SLC66A2: variants seen among roughly 807,000 people sequenced by gnomAD.
SLC66A2 encodes the protein solute carrier family 66 member 2.
In SLC66A2, 23 loss-of-function variants were observed where a neutral mutation model predicts 25.5. That is an observed-to-expected ratio of 0.90 (90% CI 0.65 to 1.28). The LOEUF (loss-of-function observed/expected upper bound fraction) is 1.28, where lower values mean the gene tolerates loss of function less well. Among genes scored for constraint, SLC66A2 ranks in the 50% most tolerant of loss-of-function variants. The pLI is 0.00. For missense variants in SLC66A2, 396 were observed against 373.1 expected, an observed-to-expected ratio of 1.06 and a Z score of -0.51; for synonymous variants, 193 against 166.5, an observed-to-expected ratio of 1.16 and a Z score of -1.23.
intron 2 of SLC66A2, 144 bp from the exon 3 acceptor site, chr18:79,943,606 C>A: frequency 1.1e-6 from 1 of 929,522 alleles, no homozygotes; most frequent in East Asian, 2.7e-5. Context: ...CGGAGAGACC[C>A]TGTGTCAGGC....
At chr18:79,925,286 G>C (rs1599582460) in intron 4 of SLC66A2, among the ~76,000 whole-genome samples, 1 of 152,206 alleles carries the variant, frequency 6.6e-6, no homozygotes, top group East Asian at 1.9e-4. Flanking sequence ...GGCTGTGGGA[G>C]AGGAGGGGCT....
intron 3 of SLC66A2, among the ~76,000 whole-genome samples, chr18:79,943,040 G>A (rs1987824034): frequency 6.6e-6 from 1 of 152,230 alleles, no homozygotes. Flanking sequence ...TTCTTGTTCT[G>A]ACACAGAAAG....
chr18:79,930,451 A>C (rs1986452207), intron 4 of SLC66A2: 1 of 152,242 alleles, frequency 6.6e-6, no homozygotes. Flanking sequence ...ACAGAAAACA[A>C]ATTTTTCATG....
At chr18:79,942,782 A>G (rs911025917) in intron 3 of SLC66A2, among the ~76,000 whole-genome samples, 1 of 152,250 alleles carries the variant, frequency 6.6e-6, no homozygotes, top group African/African-American at 2.4e-5. Flanking sequence ...TTAAGGAGCC[A>G]TGTGTGCTAA....
At chr18:79,938,380 C>T (rs992400353) in intron 3 of SLC66A2, among the ~76,000 whole-genome samples, 9 of 152,308 alleles carry the variant, frequency 5.9e-5, no homozygotes, top group Middle Eastern at 3.4e-3. Context: ...GGCTCAGCTC[C>T]GCCCAGGGGT....
intron 3 of SLC66A2, among the ~76,000 whole-genome samples, chr18:79,936,002 G>A (rs1395153451): frequency 6.6e-6 from 1 of 152,250 alleles, no homozygotes; most frequent in Non-Finnish European, 1.5e-5. Context: ...CAAAGAGACT[G>A]GAACAAGAGA....
intron 5 of SLC66A2, among the ~76,000 whole-genome samples, chr18:79,905,366 A>G (rs1981947376): frequency 6.6e-6 from 1 of 152,214 alleles, no homozygotes; most frequent in Non-Finnish European, 1.5e-5. Flanking sequence ...CCACAGACAA[A>G]AAGACAGGGT....
chr18:79,927,861 C>T lies in SLC66A2; in HGVS notation c.391+6108G>A, dbSNP rs1476765612. Among the ~76,000 whole-genome samples the T allele has an allele frequency of 1.3e-5, 2 of 152,230 alleles. No individual in the cohort carries two copies. Among genetic ancestry groups the T allele is most frequent in the Non-Finnish European group, 2.9e-5 (2 of 68,040 alleles). ...GCTGCCCAGACAGACAAGCGCTCAC[C>T]GCCGCACTGCCCTAACAGCTGCTGA... On this transcript the variant is annotated intron_variant, in intron 4 of 5. Transcript: ENST00000397778. The surrounding 1 kb of genome is among the most constrained non-coding windows in gnomAD (Gnocchi z 6.2).
chr18:79,950,081 C>T (rs1266781812), intron 2 of SLC66A2, among the ~76,000 whole-genome samples: 2 of 152,192 alleles, frequency 1.3e-5, no homozygotes, highest in South Asian at 4.1e-4. Context: ...CGTGGCTCAG[C>T]TTGTAATCCC....
intron 2 of SLC66A2, among the ~76,000 whole-genome samples, chr18:79,949,012 G>T (rs1175066714): frequency 6.6e-6 from 1 of 152,194 alleles, no homozygotes; most frequent in Non-Finnish European, 1.5e-5. Flanking sequence ...TCCAAAATGA[G>T]CACCCCTGAA....
At chr18:79,939,064 C>T in intron 3 of SLC66A2, among the ~76,000 whole-genome samples, 1 of 152,206 alleles carries the variant, frequency 6.6e-6, no homozygotes, top group Non-Finnish European at 1.5e-5. Context: ...AATTATGTAT[C>T]TAATTTTTTA....
intron 5 of SLC66A2, among the ~76,000 whole-genome samples, chr18:79,913,587 C>CTGTG (rs755580323): frequency 6.6e-6 from 1 of 152,174 alleles, no homozygotes; most frequent in African/African-American, 2.4e-5. Context: ...GTGTGCATCG[C>CTGTG]TGTGTGTGTG....
chr18:79,936,900 G>T (rs753228380), intron 3 of SLC66A2, among the ~76,000 whole-genome samples: 36 of 152,270 alleles, frequency 2.4e-4, no homozygotes, highest in Middle Eastern at 6.8e-3. Context: ...CCGGGAGGCC[G>T]GCGCTGGCAT....
intron 5 of SLC66A2, among the ~76,000 whole-genome samples, chr18:79,908,852 A>C (rs1416317284): frequency 1.3e-5 from 2 of 152,050 alleles, no homozygotes; most frequent in Non-Finnish European, 2.9e-5. Flanking sequence ...GTTTTCTTTA[A>C]ACTTCTATTT....
At chr18:79,938,993 A>G (rs1987391491) in intron 3 of SLC66A2, among the ~76,000 whole-genome samples, 1 of 152,192 alleles carries the variant, frequency 6.6e-6, no homozygotes, top group East Asian at 1.9e-4. Flanking sequence ...GTTTTACTTT[A>G]TATTCTGTCT....
intron 2 of SLC66A2, among the ~76,000 whole-genome samples, chr18:79,948,004 C>CAGAGGGGA: frequency 6.6e-6 from 1 of 151,750 alleles, no homozygotes; most frequent in African/African-American, 2.4e-5. Flanking sequence ...CCAGCAGGAA[C>CAGAGGGGA]GAGCGCCCTC....
intron 2 of SLC66A2, among the ~76,000 whole-genome samples, chr18:79,946,794 C>T (rs1028847981): frequency 3.3e-5 from 5 of 152,096 alleles, no homozygotes; most frequent in South Asian, 4.1e-4. Flanking sequence ...GGTGAAACCC[C>T]GTCTCTACTA....
At chr18:79,943,220 G>C in intron 3 of SLC66A2, 109 bp downstream of exon 3, 1 of 1,360,498 alleles carries the variant, frequency 7.4e-7, no homozygotes. Flanking sequence ...GCACCACTTG[G>C]TGAAATGAAA....
intron 5 of SLC66A2, among the ~76,000 whole-genome samples, chr18:79,907,414 C>T (rs1398067156): frequency 2.2e-5 from 3 of 138,450 alleles, no homozygotes; most frequent in East Asian, 2.1e-4. Flanking sequence ...TGCAGTGGCG[C>T]GATCTCAGCT....
Sources: allele counts gnomAD v4.1 joint callset (sites outside exome capture counted in the v4.1 genomes callset), GRCh38; gene constraint gnomAD v4.1.1; non-coding constraint Gnocchi (gnomAD v3.1); transcripts MANE v1.5; gene names NCBI Gene and HGNC (gene_info 2026-07-23, HGNC 2026-07-21).